Variants in RBFOX1 observed in about 807,000 individuals in gnomAD.
RBFOX1 encodes RNA binding protein fox-1 homolog 1.
RBFOX1 carries 8 observed loss-of-function variants against 57.7 expected under a neutral mutation model. The ratio of observed to expected loss-of-function variants is 0.14; its 90% confidence interval spans 0.08 to 0.25. The LOEUF is 0.25. RBFOX1 is among the 10% of genes least tolerant of loss of function. The probability of loss-of-function intolerance (pLI) is 1.00; values close to 1 mark genes in which losing one functional copy is unlikely to be tolerated. For synonymous variants in RBFOX1, 326 were observed against 222.4 expected, an observed-to-expected ratio of 1.47 and a Z score of -4.15; for missense variants, 611 against 548.5, an observed-to-expected ratio of 1.11 and a Z score of -1.14.
rs557752007 is a variant in RBFOX1, at chr16:7,223,379, C to T, written c.27+171281C>T. ...GAAAGGGCTTCAGAGTTTGGTAAGT[C>T]TCTTTGGTGGACTGCATGGATAGAT... On this transcript the variant is annotated intron_variant, in intron 4 of 15. Coordinates refer to ENST00000550418, the MANE Select transcript of RBFOX1 (RefSeq NM_018723.4). Among the ~76,000 whole-genome samples the T allele has an allele frequency of 4.6e-5, 7 of 152,284 alleles. No individual in the cohort carries two copies. In the South Asian group the frequency reaches 1.5e-3, roughly 32 times the overall value.
intron 4 of RBFOX1, among the ~76,000 whole-genome samples, chr16:7,143,817 G>A (rs2074347063): frequency 1.3e-5 from 2 of 152,120 alleles, no homozygotes; most frequent in African/African-American, 4.8e-5. Flanking sequence ...CTTATACACA[G>A]TATATCTTAC....
chr16:5,370,448 T>A (rs950365659), intron 1 of RBFOX1, among the ~76,000 whole-genome samples: 4 of 135,356 alleles, frequency 3.0e-5, no homozygotes, highest in African/African-American at 1.1e-4. Context: ...TGTTCCCCGA[T>A]CCAGCCTCCT....
intron 3 of RBFOX1, among the ~76,000 whole-genome samples, chr16:7,027,744 C>A (rs367727119): frequency 1.3e-5 from 2 of 151,630 alleles, no homozygotes; most frequent in Admixed American, 6.6e-5. Context: ...AGACTTCTTT[C>A]CTTTTATATT....
chr16:7,634,112 T>C (rs994142356), intron 11 of RBFOX1, among the ~76,000 whole-genome samples: 3 of 152,218 alleles, frequency 2.0e-5, no homozygotes, highest in Admixed American at 1.3e-4. Flanking sequence ...CTCTGATGGG[T>C]GCAGACTTTT....
chr16:7,447,026 A>T (rs997288174), intron 4 of RBFOX1, among the ~76,000 whole-genome samples: 2 of 151,346 alleles, frequency 1.3e-5, no homozygotes, highest in African/African-American at 4.9e-5. Context: ...GTTAGCCAGG[A>T]TGGTCTTGAT....
intron 2 of RBFOX1, among the ~76,000 whole-genome samples, chr16:6,551,772 C>T (rs1385369436): frequency 6.6e-6 from 1 of 152,174 alleles, no homozygotes; most frequent in Non-Finnish European, 1.5e-5. Flanking sequence ...CTGAGATGGT[C>T]CTTTTCCAAC....
intron 4 of RBFOX1, among the ~76,000 whole-genome samples, chr16:7,165,387 G>GTAATAATAATAA (rs142157694): frequency 0.24 from 33,425 of 140,976 alleles, 4,472 homozygotes; most frequent in Non-Finnish European, 0.31. Flanking sequence ...TAACTCTTCT[G>GTAATAATAATAA]TAATAATAAT....
intron 4 of RBFOX1, among the ~76,000 whole-genome samples, chr16:5,902,758 T>C (rs2152185402): frequency 6.6e-6 from 1 of 152,252 alleles, no homozygotes; most frequent in South Asian, 2.1e-4. Context: ...CAATCTCTTA[T>C]TCTATCCACC....
intron 1 of RBFOX1, among the ~76,000 whole-genome samples, chr16:6,170,104 A>G (rs184774715): frequency 6.6e-6 from 1 of 152,266 alleles, no homozygotes; most frequent in East Asian, 1.9e-4. Context: ...ACTCAAATAT[A>G]GAAGTGGGGA....
At chr16:6,192,014 G>C (rs1018847873) in intron 1 of RBFOX1, among the ~76,000 whole-genome samples, 3 of 152,134 alleles carry the variant, frequency 2.0e-5, no homozygotes, top group Admixed American at 2.0e-4. Context: ...GAGGAAGAAG[G>C]TCATGGAATT....
intron 3 of RBFOX1, among the ~76,000 whole-genome samples, chr16:7,025,366 T>G (rs2040575301): frequency 6.6e-6 from 1 of 152,240 alleles, no homozygotes; most frequent in South Asian, 2.1e-4. Flanking sequence ...GCTGGCTTCT[T>G]TACTGCAAAC....
chr16:7,686,319 T>C (rs1298326600), intron 14 of RBFOX1, among the ~76,000 whole-genome samples: 2 of 152,044 alleles, frequency 1.3e-5, no homozygotes, highest in Non-Finnish European at 2.9e-5. Flanking sequence ...GGTTGGGGAA[T>C]AGAAATTGGG....
intron 1 of RBFOX1, among the ~76,000 whole-genome samples, chr16:6,286,037 A>G (rs780659347): frequency 6.6e-6 from 1 of 152,214 alleles, no homozygotes; most frequent in Non-Finnish European, 1.5e-5. Flanking sequence ...GCTGCATCAA[A>G]ATATTAATTA....
chr16:6,066,977 G>T (rs1205944428), intron 1 of RBFOX1, among the ~76,000 whole-genome samples: 2 of 152,088 alleles, frequency 1.3e-5, no homozygotes, highest in Admixed American at 6.5e-5. Flanking sequence ...GGGGGAGGGC[G>T]GCAGGGAGAA....
At chr16:5,466,385 G>T (rs1009137511) in intron 1 of RBFOX1, among the ~76,000 whole-genome samples, 1 of 152,076 alleles carries the variant, frequency 6.6e-6, no homozygotes, top group Non-Finnish European at 1.5e-5. Context: ...GCTGCATTTG[G>T]TGAGGGGAGG....
chr16:6,188,787 C>T (rs1210114946), intron 1 of RBFOX1, among the ~76,000 whole-genome samples: 1 of 152,146 alleles, frequency 6.6e-6, no homozygotes, highest in East Asian at 1.9e-4. Flanking sequence ...GAAAATGTCC[C>T]AAACCTTCCT....
At chr16:6,994,279 G>A (rs905519162) in intron 3 of RBFOX1, among the ~76,000 whole-genome samples, 6 of 152,134 alleles carry the variant, frequency 3.9e-5, no homozygotes, top group East Asian at 3.9e-4. Context: ...TCTGCCTTCC[G>A]ACTTAATGAA....
intron 3 of RBFOX1, among the ~76,000 whole-genome samples, chr16:5,856,363 T>C (rs2057057436): frequency 7.3e-6 from 1 of 137,466 alleles, no homozygotes; most frequent in Non-Finnish European, 1.6e-5. Context: ...AATGTTATGA[T>C]TTGTGTGTGC....
intron 4 of RBFOX1, among the ~76,000 whole-genome samples, chr16:7,345,563 C>T (rs530262273): frequency 8.5e-5 from 13 of 152,242 alleles, no homozygotes; most frequent in Non-Finnish European, 5.9e-5. Context: ...TTTGTGTGGG[C>T]GCCCAGCAGA....
Sources: allele counts gnomAD v4.1 joint callset (sites outside exome capture counted in the v4.1 genomes callset), GRCh38; gene constraint gnomAD v4.1.1; transcripts MANE v1.5; gene names NCBI Gene and HGNC (gene_info 2026-07-23, HGNC 2026-07-21).